NBEA: variants seen among roughly 807,000 people sequenced by gnomAD.
NBEA encodes the protein neurobeachin.
Under a neutral mutation model 343.4 loss-of-function variants are expected in NBEA, and 44 were observed. The observed-to-expected ratio is 0.13, with a 90% CI of 0.10 to 0.16. The LOEUF is 0.16. NBEA is among the 10% of genes least tolerant of loss of function. NBEA has a pLI of 1.00. For synonymous variants in NBEA, 1,175 were observed against 1,238.7 expected (o/e 0.95, Z 1.08); for missense variants, 2,555 against 3,631.3 (o/e 0.70, Z 7.62).
intron 39 of NBEA, among the ~76,000 whole-genome samples, chr13:35,439,444 G>T (rs1481671824): frequency 6.6e-6 from 1 of 152,140 alleles, no homozygotes; most frequent in Non-Finnish European, 1.5e-5. Flanking sequence ...GGGAGTAAAG[G>T]CAGAGGTCAT....
intron 55 of NBEA, 83 bp downstream of exon 55, chr13:35,655,832 T>C (rs2084787837): frequency 7.6e-7 from 1 of 1,307,492 alleles, no homozygotes; most frequent in Admixed American, 2.4e-5. Flanking sequence ...TAATAGTTTT[T>C]TCCTGAGGTG....
At chr13:35,504,592 T>C (rs556185024) in intron 41 of NBEA, among the ~76,000 whole-genome samples, 80 of 152,240 alleles carry the variant, frequency 5.3e-4, no homozygotes, top group African/African-American at 1.9e-3. Context: ...TTTTCTGATA[T>C]TGTTAATATT....
intron 55 of NBEA, among the ~76,000 whole-genome samples, chr13:35,662,919 A>G (rs2085171918): frequency 6.6e-6 from 1 of 152,224 alleles, no homozygotes; most frequent in South Asian, 2.1e-4. Flanking sequence ...TCTCCAAGAT[A>G]AAATTATCAT....
chr13:35,166,624 A>G (rs1456757510), intron 24 of NBEA, among the ~76,000 whole-genome samples: 1 of 152,104 alleles, frequency 6.6e-6, no homozygotes, highest in Non-Finnish European at 1.5e-5. Context: ...TTTAGAATGA[A>G]TTGCTTCCTT....
intron 2 of NBEA, among the ~76,000 whole-genome samples, chr13:35,043,141 C>T (rs1006437858): frequency 1.3e-5 from 2 of 151,008 alleles, no homozygotes; most frequent in Non-Finnish European, 3.0e-5. Context: ...CGTATTTTTT[C>T]TCTTTTAAAA....
rs374767268 is a variant in NBEA at position 35,319,087 on chromosome 13, G to A, written c.5903+9495G>A. On this transcript the variant is annotated intron_variant, in intron 36 of 58. Coordinates refer to ENST00000379939, the MANE Select transcript of NBEA (RefSeq NM_001385012.1). Reference sequence around the variant, plus strand: ...CATTGATTTTTTTGAAGGGTTTTTTGTGTCTCTATCTCCTACAGTTCTGCT... The same window carrying A: ...CATTGATTTTTTTGAAGGGTTTTTTATGTCTCTATCTCCTACAGTTCTGCT... Among the ~76,000 whole-genome samples, 17 of 152,048 alleles carry A rather than the reference G, an allele frequency of 1.1e-4. No homozygotes were observed. In the South Asian group the frequency reaches 2.5e-3, roughly 22 times the overall value.
chr13:35,392,895 G>A (rs1432036379), intron 38 of NBEA, among the ~76,000 whole-genome samples: 1 of 152,160 alleles, frequency 6.6e-6, no homozygotes, highest in Non-Finnish European at 1.5e-5. Flanking sequence ...TCAAAAGGAA[G>A]GTCCAAATAG....
chr13:35,647,818 G>C (rs2084309281), intron 51 of NBEA, among the ~76,000 whole-genome samples: 1 of 152,108 alleles, frequency 6.6e-6, no homozygotes. Context: ...GCCTGCCTCA[G>C]CCTCCCAAAG....
At chr13:35,051,952 C>T (rs1180557377) in intron 6 of NBEA, among the ~76,000 whole-genome samples, 2 of 151,984 alleles carry the variant, frequency 1.3e-5, no homozygotes, top group African/African-American at 4.8e-5. Flanking sequence ...CAATAAAAAG[C>T]ACTTTAACCC....
At chr13:35,651,925 C>T in intron 53 of NBEA, 49 bp downstream of exon 53, 1 of 978,354 alleles carries the variant, frequency 1.0e-6, no homozygotes, top group Non-Finnish European at 1.6e-6. Context: ...TCCATATATT[C>T]ATATATAGTT....
rs75237680 is a variant in NBEA at position 35,513,641 on chromosome 13, C to T, written c.6586-36836C>T. 6.3e-3 allele frequency among the ~76,000 whole-genome samples: 949 copies of T among 151,678 alleles called. 12 individuals are homozygous for T. Among genetic ancestry groups the T allele is most frequent in the African/African-American group, 0.022 (909 of 41,360 alleles). ...TTATAATTTATATATTCCTGTAAGT[C>T]ACTTTATATCTTTTCAGAAGTGAGG... On this transcript the variant is annotated intron_variant, in intron 41 of 58. Transcript: ENST00000379939.
intron 17 of NBEA, among the ~76,000 whole-genome samples, chr13:35,138,086 A>T (rs986146523): frequency 1.3e-5 from 2 of 152,164 alleles, no homozygotes; most frequent in African/African-American, 2.4e-5. Context: ...CAGTATCAGG[A>T]AGTTCTTGGA....
intron 38 of NBEA, among the ~76,000 whole-genome samples, chr13:35,407,557 T>C (rs1429144090): frequency 6.6e-6 from 1 of 152,082 alleles, no homozygotes; most frequent in Non-Finnish European, 1.5e-5. Flanking sequence ...GATAAGATTA[T>C]TTTAAGGACA....
intron 41 of NBEA, among the ~76,000 whole-genome samples, chr13:35,489,965 A>G (rs1307471410): frequency 2.6e-5 from 4 of 151,920 alleles, no homozygotes; most frequent in Admixed American, 2.6e-4. Flanking sequence ...AGCAGTGTTG[A>G]AAATGATGTT....
intron 45 of NBEA, among the ~76,000 whole-genome samples, chr13:35,581,054 A>G (rs933605822): frequency 6.6e-6 from 1 of 152,192 alleles, no homozygotes; most frequent in Non-Finnish European, 1.5e-5. Flanking sequence ...TTGCACAGAC[A>G]TTTTATGCAC....
chr13:35,412,459 C>T (rs957009599), intron 38 of NBEA, among the ~76,000 whole-genome samples: 4 of 152,112 alleles, frequency 2.6e-5, no homozygotes, highest in Non-Finnish European at 5.9e-5. Context: ...TTTGTCTCAC[C>T]TCTTTCCTTC....
chr13:35,169,785 T>G (rs935893081), intron 25 of NBEA, among the ~76,000 whole-genome samples: 1 of 151,786 alleles, frequency 6.6e-6, no homozygotes, highest in Non-Finnish European at 1.5e-5. Context: ...CTCTTTCTTA[T>G]GAGCTATGAT....
At chr13:35,641,804 A>G (rs2083965523) in intron 49 of NBEA, among the ~76,000 whole-genome samples, 1 of 152,006 alleles carries the variant, frequency 6.6e-6, no homozygotes, top group Non-Finnish European at 1.5e-5. Flanking sequence ...CTTAATGTAG[A>G]TGGTGGTTAG....
At chr13:35,644,261 T>A (rs1313891696) in intron 49 of NBEA, among the ~76,000 whole-genome samples, 2 of 152,272 alleles carry the variant, frequency 1.3e-5, no homozygotes, top group African/African-American at 4.8e-5. Flanking sequence ...AGTCACAATC[T>A]CGTCTTTATC....
Sources: allele counts gnomAD v4.1 joint callset (sites outside exome capture counted in the v4.1 genomes callset), GRCh38; gene constraint gnomAD v4.1.1; transcripts MANE v1.5; gene names NCBI Gene and HGNC (gene_info 2026-07-23, HGNC 2026-07-21).